The following TNFRSF10B variants were observed in gnomAD, a reference collection of about 807,000 sequenced individuals.
The protein encoded by TNFRSF10B is tumor necrosis factor receptor superfamily member 10B.
In TNFRSF10B, 35 loss-of-function variants were observed where a neutral mutation model predicts 41.4. That is an observed-to-expected ratio of 0.85 (90% CI 0.65 to 1.12). TNFRSF10B has a LOEUF of 1.12. Ranked by LOEUF, TNFRSF10B falls within the 50% of genes most tolerant of loss-of-function variation. TNFRSF10B has a pLI of 0.00. For synonymous variants in TNFRSF10B, 230 were observed against 215.5 expected, an observed-to-expected ratio of 1.07 and a Z score of -0.59; for missense variants, 584 against 552.7, an observed-to-expected ratio of 1.06 and a Z score of -0.57.
At chr8:23,064,779 G>A (rs781730801) in intron 1 of TNFRSF10B, among the ~76,000 whole-genome samples, 30 of 152,122 alleles carry the variant, frequency 2.0e-4, no homozygotes, top group Non-Finnish European at 4.0e-4. Context: ...CCTTAAAACT[G>A]CCCAGGATAA....
Position 23,069,026 on chromosome 8 carries a change from C to G in TNFRSF10B, c.-132G>C. The G allele has an allele frequency of 1.4e-6, 2 of 1,453,284 alleles. No homozygotes were observed. Among genetic ancestry groups the G allele is most frequent in the Non-Finnish European group, 1.9e-6 (2 of 1,059,864 alleles). 90.0% of individuals were successfully genotyped at this position (1,453,284 alleles called of 1,614,324 possible). On this transcript the variant is annotated 5_prime_UTR_variant, in exon 1 of 9. Coordinates refer to ENST00000276431, the MANE Select transcript of TNFRSF10B (RefSeq NM_003842.5). The stretch of plus-strand genomic sequence containing the variant: ...CCGGCCGCGTGCTGATTTATGTGTC[C>G]AGGCTGACTTGGGGCGGCGCGGCTG...
rs1811781097 is a variant in TNFRSF10B, at chr8:23,028,544, C to T, written c.535G>A (p.Val179Ile). Residue 179 changes from valine to isoleucine, a missense_variant, in exon 5 of 9, where the codon GTC becomes ATC. Physicochemically the swap from Val to Ile is conservative, Grantham distance 29 (BLOSUM62 3). Coordinates refer to ENST00000276431, the MANE Select transcript of TNFRSF10B (RefSeq NM_003842.5). ...TGCTTTGTACCTGATTCTTTGTGGA[C>T]ACATTCGATGTCACTCCAGGGTGTA... ...DCTPWSDIEC[V>I]HKESGTKHSG... 6.2e-7 allele frequency: 1 copy of T among 1,614,058 alleles called. No homozygotes were observed. Among genetic ancestry groups the T allele is most frequent in the Non-Finnish European group, 8.5e-7 (1 of 1,179,970 alleles).
intron 1 of TNFRSF10B, among the ~76,000 whole-genome samples, chr8:23,062,317 C>T (rs1336583176): frequency 6.6e-6 from 1 of 152,080 alleles, no homozygotes; most frequent in Non-Finnish European, 1.5e-5. Flanking sequence ...ATCTCCGGGG[C>T]TCAAGTGATC....
chr8:23,029,496 A>G, intron 4 of TNFRSF10B, 114 bp downstream of exon 4: 1 of 1,038,826 alleles, frequency 9.6e-7, no homozygotes, highest in South Asian at 1.4e-5. Context: ...AGGGGCAGCC[A>G]CAGCCTCAAG....
chr8:23,061,090 T>A (rs1812818636), intron 1 of TNFRSF10B, among the ~76,000 whole-genome samples: 1 of 152,184 alleles, frequency 6.6e-6, no homozygotes, highest in African/African-American at 2.4e-5. Flanking sequence ...TAAGACATCC[T>A]GATATCCCTG....
Position 23,022,874 on chromosome 8 carries a change from C to G in TNFRSF10B, c.1120G>C (p.Glu374Gln). 1 of 1,614,118 alleles carries G rather than the reference C, an allele frequency of 6.2e-7. No homozygotes were observed. The highest frequency in any genetic ancestry group is 8.5e-7 in the Non-Finnish European group (1 of 1,180,028). The change falls in exon 9 of 9, where the codon GAG becomes CAG. Residue 374 changes from glutamate (E) to glutamine (Q), a missense_variant. By Grantham distance (29) the Glu-to-Gln change is conservative. Coordinates refer to ENST00000276431, the MANE Select transcript of TNFRSF10B (RefSeq NM_003842.5). ...MDNEIKVAKA[E>Q]AAGHRDTLYT... is the part of the protein sequence containing the mutation. The stretch of plus-strand genomic sequence containing the variant: ...AAGGTGTCCCTGTGGCCCGCTGCCT[C>G]AGCTTTAGCCACCTTTATCTCATTG...
At chr8:23,041,043 T>C (rs1047008474) in intron 2 of TNFRSF10B, among the ~76,000 whole-genome samples, 4 of 141,780 alleles carry the variant, frequency 2.8e-5, no homozygotes, top group Non-Finnish European at 3.0e-5. Context: ...TGCAAAGATA[T>C]ATGATAATTT....
chr8:23,051,065 C>T (rs1348035040), intron 1 of TNFRSF10B, among the ~76,000 whole-genome samples: 1 of 152,108 alleles, frequency 6.6e-6, no homozygotes, highest in Non-Finnish European at 1.5e-5. Context: ...TAGAGGGAGA[C>T]TGAAAAATGA....
chr8:23,033,428 CA>C (rs1290226101), intron 2 of TNFRSF10B, among the ~76,000 whole-genome samples: 1 of 149,732 alleles, frequency 6.7e-6, no homozygotes, highest in African/African-American at 2.4e-5. Context: ...ACTAAAAATA[CA>C]AAAAAAAATT....
At position 23,068,834 on chromosome 8, in the gene TNFRSF10B, C is replaced by T. The variant is rs746151222; in HGVS notation, c.61G>A (p.Gly21Arg). 28 of 1,613,014 alleles carry T rather than the reference C, an allele frequency of 1.7e-5. 1 individual carries two copies. Among genetic ancestry groups the T allele is most frequent in the Non-Finnish European group, 2.3e-5 (27 of 1,179,902 alleles). The change falls in exon 1 of 9, where the codon GGA becomes AGA. Residue 21 changes from glycine to arginine, a missense_variant. By Grantham distance (125) the Gly-to-Arg change is moderately radical. Coordinates refer to ENST00000276431, the MANE Select transcript of TNFRSF10B (RefSeq NM_003842.5). ...ASGARKRHGP[G>R]PREARGARPG... Reference sequence around the variant, plus strand: ...CTGGCTCCCCGCGCCTCCCTGGGTCCTGGGCCGTGCCTTTTCCGGGCCCCC... The same window carrying T: ...CTGGCTCCCCGCGCCTCCCTGGGTCTTGGGCCGTGCCTTTTCCGGGCCCCC...
chr8:23,061,639 T>C (rs1812833231), intron 1 of TNFRSF10B, among the ~76,000 whole-genome samples: 2 of 152,216 alleles, frequency 1.3e-5, no homozygotes, highest in African/African-American at 4.8e-5. Context: ...CTTTCCGTCT[T>C]TCAACACTGA....
chr8:23,027,772 C>T lies in TNFRSF10B; in HGVS notation c.749-19G>A, dbSNP rs765511939. ...CCACCACCTAAAAAAGAAGCAGTCT[C>T]CTTAGCAGGAAGGGAGGGGCCCATG... On this transcript the variant is annotated intron_variant, in intron 5 of 8. Transcript: ENST00000276431. The T allele has an allele frequency of 2.5e-6, 4 of 1,614,024 alleles. No individual in the cohort carries two copies. Among genetic ancestry groups the T allele is most frequent in the Non-Finnish European group, 3.4e-6 (4 of 1,179,992 alleles).
At chr8:23,068,694 C>T in intron 1 of TNFRSF10B, 57 bp downstream of exon 1, 1 of 1,541,088 alleles carries the variant, frequency 6.5e-7, no homozygotes, top group Non-Finnish European at 8.7e-7. Context: ...TCTCTCCCTG[C>T]CCTCTCCAGG....
intron 7 of TNFRSF10B, among the ~76,000 whole-genome samples, chr8:23,024,539 G>A (rs77981816): frequency 1.1e-4 from 16 of 144,594 alleles, no homozygotes; most frequent in African/African-American, 2.8e-4. Context: ...TTTTTTTTTC[G>A]AGACAGAGTC....
At chr8:23,063,281 G>C (rs906995626) in intron 1 of TNFRSF10B, among the ~76,000 whole-genome samples, 2 of 151,044 alleles carry the variant, frequency 1.3e-5, no homozygotes, top group African/African-American at 4.9e-5. Context: ...CCAGGAGGCA[G>C]AGGTTGCAGT....
At chr8:23,056,650 CA>C (rs36035737) in intron 1 of TNFRSF10B, among the ~76,000 whole-genome samples, 198 of 122,660 alleles carry the variant, frequency 1.6e-3, no homozygotes, top group Middle Eastern at 0.013. Context: ...GACTCCATCT[CA>C]AAAAAAAAAA....
intron 1 of TNFRSF10B, among the ~76,000 whole-genome samples, chr8:23,050,803 G>A (rs1327975175): frequency 6.6e-6 from 1 of 152,140 alleles, no homozygotes; most frequent in African/African-American, 2.4e-5. Flanking sequence ...GCCGGGCGTG[G>A]TGTCTCATGC....
chr8:23,057,262 G>T (rs1394052648), intron 1 of TNFRSF10B, among the ~76,000 whole-genome samples: 1 of 151,358 alleles, frequency 6.6e-6, no homozygotes, highest in African/African-American at 2.4e-5. Flanking sequence ...AGCCAGGATG[G>T]TCTCAATCTC....
chr8:23,047,272 A>G (rs13259894), intron 1 of TNFRSF10B, among the ~76,000 whole-genome samples: 65,543 of 150,658 alleles, frequency 0.44, 14,582 homozygotes, highest in East Asian at 0.68. Flanking sequence ...CAGGAGAATC[A>G]CTTGAACCCA....
Sources: allele counts gnomAD v4.1 joint callset (sites outside exome capture counted in the v4.1 genomes callset), GRCh38; gene constraint gnomAD v4.1.1; transcripts MANE v1.5; gene names NCBI Gene and HGNC (gene_info 2026-07-23, HGNC 2026-07-21).